KLHL12: variants seen among roughly 807,000 people sequenced by gnomAD.
The protein encoded by KLHL12 is kelch like family member 12.
In KLHL12, 17 loss-of-function variants were observed where a neutral mutation model predicts 60.8. The ratio of observed to expected loss-of-function variants is 0.28; its 90% CI spans 0.19 to 0.42. KLHL12 has a LOEUF of 0.42. Ranked by LOEUF, KLHL12 falls within the 10% of genes least tolerant of loss-of-function variation. KLHL12 has a pLI of 1.00. For synonymous variants in KLHL12, 220 were observed against 250.9 expected, an observed-to-expected ratio of 0.88 and a Z score of 1.16; for missense variants, 468 against 722.3, an observed-to-expected ratio of 0.65 and a Z score of 4.04.
Position 202,894,576 on chromosome 1 carries a change from T to A in KLHL12, c.1294+15A>T. 2 of 1,613,936 alleles carry A rather than the reference T, an allele frequency of 1.2e-6. No individual in the cohort carries two copies. The highest frequency in any genetic ancestry group is 1.7e-6 in the Non-Finnish European group (2 of 1,179,862). On this transcript the variant is annotated intron_variant, in intron 9 of 11. Transcript: ENST00000367261. The stretch of plus-strand genomic sequence containing the variant: ...CATTGAGTTCCCTCCCATTCCTGCA[T>A]CCCAGACTCAATACCTAGACAGTAG...
rs1462231710 is a variant in KLHL12, at chr1:202,891,800, T to C, written c.*733A>G. On this transcript the variant is annotated 3_prime_UTR_variant, in exon 12 of 12. Coordinates refer to ENST00000367261, the MANE Select transcript of KLHL12 (RefSeq NM_021633.4). ...TATGCTGTCTCCAGTGCGAAAGACC[T>C]CGGGGAAATAAAAAGATCCTTCAAA... 1 of 152,220 alleles carries C rather than the reference T, an allele frequency of 6.6e-6. No individual in the cohort carries two copies. The highest frequency in any genetic ancestry group is 2.4e-5 in the African/African-American group (1 of 41,460). 9.4% of individuals were successfully genotyped at this position (152,220 alleles called of 1,614,324 possible). A position where few individuals can be genotyped will look rare whatever the true frequency, so the allele number is the denominator to read the frequency against.
chr1:202,909,393 C>T lies in KLHL12; in HGVS notation c.718-269G>A, dbSNP rs141461319. Among the ~76,000 whole-genome samples the T allele has an allele frequency of 1.4e-4, 21 of 151,736 alleles. No individual in the cohort carries two copies. The highest frequency in any genetic ancestry group is 3.9e-4 in the African/African-American group (16 of 41,296). On this transcript the variant is annotated intron_variant, in intron 5 of 11. Coordinates refer to ENST00000367261, the MANE Select transcript of KLHL12 (RefSeq NM_021633.4). This position sits in a 1 kb window ranked among gnomAD's most constrained non-coding sequence, Gnocchi z 4.1. Reference sequence around the variant, plus strand: ...GAGCAGTATTTCCCATCTATCGCAGCGCTTACATTTAACTATTTTTACATA... The same window carrying T: ...GAGCAGTATTTCCCATCTATCGCAGTGCTTACATTTAACTATTTTTACATA...
At chr1:202,928,466 G>A (rs372025668), upstream of KLHL12, 490 of 1,291,882 alleles carry the variant, frequency 3.8e-4, 1 homozygote, top group African/African-American at 6.9e-3. Context: ...TCTGATTGCA[G>A]CAAGTATGTT....
chr1:202,927,616 G>C (rs1176546346), upstream of KLHL12, among the ~76,000 whole-genome samples: 1 of 143,810 alleles, frequency 7.0e-6, no homozygotes, highest in Non-Finnish European at 1.5e-5. Context: ...GGCAGCAGAG[G>C]TTGCAGTGAG....
chr1:202,905,968 CTTTTTTTTTTTTTT>C (rs71142574), intron 6 of KLHL12, among the ~76,000 whole-genome samples: 1 of 51,672 alleles, frequency 1.9e-5, no homozygotes, highest in Non-Finnish European at 3.4e-5. Flanking sequence ...CCACACCTGG[CTTTTTTTTTTTTTT>C]TTTTTTTTTT....
intron 4 of KLHL12, chr1:202,912,151 A>G (rs1571532708): frequency 2.3e-6 from 2 of 875,470 alleles, no homozygotes; most frequent in Non-Finnish European, 3.8e-6. Context: ...TGGCAGCATT[A>G]AAGAAGACAC....
Position 202,893,352 on chromosome 1 carries a change from G to C in KLHL12, c.1467C>G (p.Ser489=), listed in dbSNP as rs780577037. The part of the protein sequence containing the change: ...GGFDGTAHLS[S]VEAYNIRTDS... ...CAGTGCGAATGTTGTATGCTTCAAC[G>C]GAAGAAAGGTGGGCTGTACCATCAA... Residue 489 remains serine (S), a synonymous_variant, in exon 11 of 12, where the codon TCC becomes TCG. Coordinates refer to ENST00000367261, the MANE Select transcript of KLHL12 (RefSeq NM_021633.4). This position sits in a 1 kb window ranked among gnomAD's most constrained non-coding sequence, Gnocchi z 4.1. The C allele has an allele frequency of 1.9e-6, 3 of 1,613,962 alleles. No homozygotes were observed. In the South Asian group the frequency reaches 3.3e-5, roughly 18 times the overall value.
chr1:202,924,178 C>T (rs1653393243), intron 2 of KLHL12, among the ~76,000 whole-genome samples: 1 of 152,222 alleles, frequency 6.6e-6, no homozygotes, highest in Admixed American at 6.5e-5. Flanking sequence ...AGTAGTGTTT[C>T]TTAATACTTT....
In KLHL12 at chr1:202,893,898, A is replaced by T. The variant is rs1476996764; in HGVS notation, c.1393+286T>A. ...ACTCTTTTGTCCTTATGCATTAGAG[A>T]CTTTATTTAACAGATATTTATTAAG... On this transcript the variant is annotated intron_variant, in intron 10 of 11. Coordinates refer to ENST00000367261, the MANE Select transcript of KLHL12 (RefSeq NM_021633.4). The surrounding 1 kb of genome is among the most constrained non-coding windows in gnomAD (Gnocchi z 4.1). 6.6e-6 allele frequency among the ~76,000 whole-genome samples: 1 copy of T among 152,190 alleles called. No individual in the cohort carries two copies. Among genetic ancestry groups the T allele is most frequent in the East Asian group, 1.9e-4 (1 of 5,202 alleles).
At chr1:202,918,766 CTA>C (rs1011949816) in intron 3 of KLHL12, among the ~76,000 whole-genome samples, 1 of 152,048 alleles carries the variant, frequency 6.6e-6, no homozygotes, top group African/African-American at 2.4e-5. Context: ...TACTAAAAGA[CTA>C]GAGTGAAAGA....
At chr1:202,892,722 A>C (rs891048557) in intron 11 of KLHL12, 63 bp from the exon 12 acceptor site, 2 of 1,570,384 alleles carry the variant, frequency 1.3e-6, no homozygotes, top group Non-Finnish European at 1.7e-6. Flanking sequence ...CGTGCCTGTA[A>C]TCCCAACTAT....
chr1:202,899,132 G>A (rs2102413257), intron 6 of KLHL12, among the ~76,000 whole-genome samples: 1 of 152,018 alleles, frequency 6.6e-6, no homozygotes, highest in South Asian at 2.1e-4. Flanking sequence ...AGCCAACAAG[G>A]CAAAACCCCG....
At chr1:202,911,489 A>C (rs1267317971) in intron 4 of KLHL12, among the ~76,000 whole-genome samples, 1 of 151,840 alleles carries the variant, frequency 6.6e-6, no homozygotes, top group Non-Finnish European at 1.5e-5. Flanking sequence ...TAAGATAGAT[A>C]GTACCTAATA....
chr1:202,900,575 TAAA>T (rs1382610538), intron 6 of KLHL12, among the ~76,000 whole-genome samples: 1 of 150,934 alleles, frequency 6.6e-6, no homozygotes, highest in African/African-American at 2.4e-5. Context: ...TAACATAAAA[TAAA>T]GAAGGCTGGG....
At chr1:202,897,235 T>C (rs1001399681) in intron 6 of KLHL12, among the ~76,000 whole-genome samples, 62 of 143,718 alleles carry the variant, frequency 4.3e-4, no homozygotes, top group East Asian at 1.6e-3. Flanking sequence ...TTTCTTTTTT[T>C]TTTTTTTTTT....
intron 6 of KLHL12, among the ~76,000 whole-genome samples, chr1:202,907,599 A>G (rs1206981700): frequency 1.2e-4 from 1 of 8,212 alleles, no homozygotes; most frequent in African/African-American, 2.6e-4. Flanking sequence ...CTCTGTCTTA[A>G]AAAAAAAAAA....
chr1:202,918,790 T>C (rs149844399), intron 3 of KLHL12, among the ~76,000 whole-genome samples: 277 of 152,332 alleles, frequency 1.8e-3, no homozygotes, highest in African/African-American at 6.3e-3. Flanking sequence ...AAGGAGAAGA[T>C]AGTAATAACA....
At chr1:202,925,849 T>C (rs1388112564) in intron 1 of KLHL12, among the ~76,000 whole-genome samples, 2 of 152,138 alleles carry the variant, frequency 1.3e-5, no homozygotes, top group African/African-American at 4.8e-5. Flanking sequence ...CTCACTCCTG[T>C]AATCCCAGCA....
intron 6 of KLHL12, among the ~76,000 whole-genome samples, chr1:202,904,267 G>A (rs1345825739): frequency 6.6e-6 from 1 of 152,156 alleles, no homozygotes; most frequent in Middle Eastern, 3.2e-3. Context: ...GCCTCCCAAA[G>A]CGCTGGGATT....
Sources: gnomAD v4.1 joint callset for allele counts (sites outside exome capture counted in the v4.1 genomes callset) on GRCh38, gnomAD v4.1.1 for gene constraint, Gnocchi (gnomAD v3.1) non-coding constraint, MANE v1.5 for transcripts, NCBI Gene and HGNC (gene_info 2026-07-23, HGNC 2026-07-21) for gene names.